The following BPIFA1 variants were observed in gnomAD, a reference collection of about 807,000 sequenced individuals.
The protein encoded by BPIFA1 is BPI fold-containing family A member 1.
BPIFA1 carries 24 observed loss-of-function variants against 25.1 expected under a neutral mutation model. That is an observed-to-expected ratio of 0.96 (90% CI 0.69 to 1.35). The LOEUF is 1.35. Ranked by LOEUF, BPIFA1 falls within the 40% of genes most tolerant of loss-of-function variation. BPIFA1 has a pLI of 0.00. For missense variants in BPIFA1, 344 were observed against 303.7 expected, an observed-to-expected ratio of 1.13 and a Z score of -0.99; for synonymous variants, 139 against 131.8, an observed-to-expected ratio of 1.05 and a Z score of -0.37.
chr20:33,240,692 G>GATAGATAGA (rs1568631767), intron 5 of BPIFA1, among the ~76,000 whole-genome samples: 8 of 110,008 alleles, frequency 7.3e-5, no homozygotes, highest in African/African-American at 3.9e-4. Flanking sequence ...GATAGATAAA[G>GATAGATAGA]TAGTACTTAT....
intron 3 of BPIFA1, among the ~76,000 whole-genome samples, chr20:33,238,937 TG>T (rs1249015422): frequency 6.6e-6 from 1 of 152,184 alleles, no homozygotes; most frequent in Non-Finnish European, 1.5e-5. Context: ...GATTTTCAAA[TG>T]TACTTGTTGG....
Position 33,241,421 on chromosome 20 carries a change from C to T in BPIFA1, c.618C>T (p.Ser206=). The T allele has an allele frequency of 6.2e-7, 1 of 1,614,100 alleles. No homozygotes were observed. The highest frequency in any genetic ancestry group is 1.7e-5 in the Admixed American group (1 of 60,010). The change falls in exon 6 of 9, where the codon AGC becomes AGT. Residue 206 remains serine (S), a synonymous_variant. Transcript: ENST00000354297. ...TCCCCATTCAAGGTCTTCTGGACAGCCTCACAGGGATCTTGAATAAAGTCC... is the reference window on the plus strand; with the variant it reads ...TCCCCATTCAAGGTCTTCTGGACAGTCTCACAGGGATCTTGAATAAAGTCC... ...GPLPIQGLLD[S]LTGILNKVLP... is the part of the protein sequence containing the mutation.
At chr20:33,238,019 G>T (rs535531740) in intron 2 of BPIFA1, 36 bp from the exon 3 acceptor site, 41 of 1,593,568 alleles carry the variant, frequency 2.6e-5, no homozygotes, top group South Asian at 9.2e-5. Context: ...GGAATTGTCA[G>T]ATCTGACCCC....
intron 1 of BPIFA1, among the ~76,000 whole-genome samples, 157 bp from the exon 2 acceptor site, chr20:33,237,540 C>T (rs58206177): frequency 0.068 from 10,375 of 152,138 alleles, 1,220 homozygotes; most frequent in African/African-American, 0.24. Flanking sequence ...CAGCCTGTTG[C>T]CTGGCAAAGA....
chr20:33,240,464 A>C, intron 5 of BPIFA1, 79 bp downstream of exon 5: 3 of 1,538,748 alleles, frequency 1.9e-6, no homozygotes. Context: ...AGCTGAGACA[A>C]TGAGAGAATA....
chr20:33,241,580 C>A, intron 6 of BPIFA1, 111 bp downstream of exon 6: 1 of 890,440 alleles, frequency 1.1e-6, no homozygotes. Flanking sequence ...AAGTAACTTC[C>A]ATTCATCAAT....
rs968333700 is a variant in BPIFA1, at chr20:33,240,468, G to A, written c.581+83G>A. On this transcript the variant is annotated intron_variant, in intron 5 of 8. Transcript: ENST00000354297. ...GATGATTGGAAAGCTGAGACAATGA[G>A]AGAATAGATGAGTGAGAGGCTGAAA... 4.0e-6 allele frequency: 6 copies of A among 1,517,558 alleles called. No individual in the cohort carries two copies. In the African/African-American group the frequency reaches 8.3e-5, roughly 21 times the overall value. The allele number at this position is 1,517,558 out of a possible 1,614,324, so 94.0% of individuals were successfully genotyped here.
chr20:33,240,528 A>G (rs1436423351), intron 5 of BPIFA1, 143 bp downstream of exon 5: 1 of 1,043,556 alleles, frequency 9.6e-7, no homozygotes, highest in African/African-American at 1.7e-5. Flanking sequence ...GGGAGCGTGG[A>G]AAGATGGATG....
chr20:33,241,852 G>A (rs1440030560), intron 6 of BPIFA1, among the ~76,000 whole-genome samples: 1 of 152,208 alleles, frequency 6.6e-6, no homozygotes, highest in Admixed American at 6.5e-5. Context: ...TGAACACTGG[G>A]CTTGTTGTGT....
intron 6 of BPIFA1, among the ~76,000 whole-genome samples, chr20:33,241,802 G>GCACTC (rs1468993655): frequency 6.6e-6 from 1 of 152,120 alleles, no homozygotes; most frequent in Non-Finnish European, 1.5e-5. Flanking sequence ...TATAACCAGG[G>GCACTC]CACTCCACTC....
chr20:33,242,612 C>A, intron 8 of BPIFA1, 51 bp downstream of exon 8: 2 of 1,391,834 alleles, frequency 1.4e-6, no homozygotes, highest in Non-Finnish European at 2.0e-6. Flanking sequence ...CTGTTCTTCT[C>A]CTGGTAGAAG....
At chr20:33,238,905 G>T (rs1034817517) in intron 3 of BPIFA1, among the ~76,000 whole-genome samples, 2 of 152,220 alleles carry the variant, frequency 1.3e-5, no homozygotes, top group African/African-American at 4.8e-5. Flanking sequence ...CTGACTTGGA[G>T]ACAGACAGAC....
intron 6 of BPIFA1, 91 bp from the exon 7 acceptor site, chr20:33,241,965 A>T (rs1978997109): frequency 8.5e-7 from 1 of 1,173,836 alleles, no homozygotes; most frequent in Non-Finnish European, 1.3e-6. Flanking sequence ...ACACAGAAAA[A>T]TGACAGGAAA....
chr20:33,239,963 G>A (rs1978879733), intron 4 of BPIFA1, 53 bp downstream of exon 4: 2 of 1,544,678 alleles, frequency 1.3e-6, no homozygotes, highest in Admixed American at 1.7e-5. Flanking sequence ...GGAGACCCTG[G>A]TGACCATGGT....
At chr20:33,242,697 G>C in intron 8 of BPIFA1, 136 bp downstream of exon 8, 1 of 664,090 alleles carries the variant, frequency 1.5e-6, no homozygotes, top group Non-Finnish European at 2.6e-6. Context: ...GGGATGCACA[G>C]AGAAATCCAC....
At chr20:33,237,897 CATGTGTGTGT>C (rs762527387) in intron 2 of BPIFA1, 26 bp downstream of exon 2, 280 of 1,268,256 alleles carry the variant, frequency 2.2e-4, no homozygotes, top group African/African-American at 1.5e-3. Context: ...TGTATGTGTG[CATGTGTGTGT>C]GTGTGTGTGT....
rs371600051 is a variant in BPIFA1 at position 33,239,865 on chromosome 20, G to A, written c.383G>A (p.Arg128His). 2.3e-5 allele frequency: 37 copies of A among 1,614,066 alleles called. No homozygotes were observed. Among genetic ancestry groups the A allele is most frequent in the Middle Eastern group, 1.6e-4 (1 of 6,082 alleles). The change falls in exon 4 of 9, where the codon CGT (arginine) becomes CAT (histidine). Residue 128 changes from arginine (R) to histidine (H), a missense_variant. Coordinates refer to ENST00000354297, the MANE Select transcript of BPIFA1 (RefSeq NM_130852.3). ...CTTGTGCAGAGCCCTGATGGCCACC[G>A]TCTCTATGTCACCATCCCTCTCGGC... ...LGLVQSPDGHRLYVTIPLGIK... is the reference protein window; with the variant it reads ...LGLVQSPDGHHLYVTIPLGIK...
chr20:33,238,426 C>G (rs1978802153), intron 3 of BPIFA1, among the ~76,000 whole-genome samples: 1 of 152,182 alleles, frequency 6.6e-6, no homozygotes, highest in African/African-American at 2.4e-5. Flanking sequence ...TAGGCATGTC[C>G]TGAGGCCCCA....
At chr20:33,242,637 G>C in intron 8 of BPIFA1, 76 bp downstream of exon 8, 1 of 1,071,430 alleles carries the variant, frequency 9.3e-7, no homozygotes, top group East Asian at 2.4e-5. Flanking sequence ...ACGGGAGCTT[G>C]GGACAATGAC....
Sources: allele counts gnomAD v4.1 joint callset (sites outside exome capture counted in the v4.1 genomes callset), GRCh38; gene constraint gnomAD v4.1.1; transcripts MANE v1.5; gene names NCBI Gene and HGNC (gene_info 2026-07-23, HGNC 2026-07-21).